Variants in WNT7A observed in about 807,000 individuals in gnomAD.
The protein encoded by WNT7A is Wnt family member 7A, also known as protein Wnt-7a.
A neutral mutation model predicts 28.2 loss-of-function variants in WNT7A; 16 were observed. The ratio of observed to expected loss-of-function variants is 0.57; its 90% CI spans 0.38 to 0.86. The LOEUF is 0.86. Ranked by LOEUF, WNT7A falls within the 40% of genes least tolerant of loss-of-function variation. WNT7A has a pLI of 0.00. For synonymous variants in WNT7A, 190 were observed against 195.9 expected (o/e 0.97, Z 0.25); for missense variants, 411 against 489.7 (o/e 0.84, Z 1.52).
At chr3:13,852,194 G>A (rs908993334) in intron 3 of WNT7A, among the ~76,000 whole-genome samples, 3 of 152,180 alleles carry the variant, frequency 2.0e-5, no homozygotes, top group Non-Finnish European at 4.4e-5. Flanking sequence ...AAGCCACATG[G>A]TGCACCCCCC....
intron 2 of WNT7A, among the ~76,000 whole-genome samples, chr3:13,861,765 A>T (rs1438271975): frequency 6.6e-6 from 1 of 152,108 alleles, no homozygotes; most frequent in Non-Finnish European, 1.5e-5. Context: ...CAGAGAAGAG[A>T]TTCCTAGAGC....
At chr3:13,859,055 A>G (rs923620735) in intron 2 of WNT7A, among the ~76,000 whole-genome samples, 8 of 152,200 alleles carry the variant, frequency 5.3e-5, no homozygotes, top group Non-Finnish European at 7.3e-5. Context: ...AGCGGTGCTG[A>G]GCACAGTGCC....
At position 13,818,991 on chromosome 3, in the gene WNT7A, T is replaced by G; in HGVS notation, c.1003A>C (p.Lys335Gln). Residue 335 changes from lysine to glutamine, a missense_variant, in exon 4 of 4, where the codon AAG becomes CAG. Lys to Gln is a moderately conservative substitution (Grantham distance 53). Coordinates refer to ENST00000285018, the MANE Select transcript of WNT7A (RefSeq NM_004625.4). The stretch of plus-strand genomic sequence containing the variant: ...GTGCGCTCGCTGCACGTGTTGCACT[T>G]GACATAGCAGCACCAGTGGAACTTA... ...NCKFHWCCYV[K>Q]CNTCSERTEM... 1 of 1,607,636 alleles carries G rather than the reference T, an allele frequency of 6.2e-7. No individual in the cohort carries two copies. The highest frequency in any genetic ancestry group is 8.5e-7 in the Non-Finnish European group (1 of 1,175,026).
intron 2 of WNT7A, among the ~76,000 whole-genome samples, chr3:13,858,106 G>C (rs1694775567): frequency 6.6e-6 from 1 of 152,186 alleles, no homozygotes. Flanking sequence ...GGGCAGCAGA[G>C]CTGAGCTGCA....
intron 3 of WNT7A, 67 bp from the exon 4 acceptor site, chr3:13,819,490 G>T: frequency 6.5e-7 from 1 of 1,543,466 alleles, no homozygotes; most frequent in Non-Finnish European, 8.7e-7. Context: ...GCAGCCCCCA[G>T]CTCCCCCCCG....
chr3:13,861,313 A>G (rs1457328610), intron 2 of WNT7A, among the ~76,000 whole-genome samples: 3 of 152,210 alleles, frequency 2.0e-5, no homozygotes, highest in Admixed American at 6.5e-5. Flanking sequence ...GAGCAGAGGA[A>G]GAACCTCCCT....
chr3:13,856,250 G>A (rs1694728741), intron 2 of WNT7A, among the ~76,000 whole-genome samples: 2 of 152,252 alleles, frequency 1.3e-5, no homozygotes, highest in East Asian at 3.9e-4. Context: ...TGACTGACTG[G>A]GACTTGGGCG....
intron 3 of WNT7A, among the ~76,000 whole-genome samples, chr3:13,822,481 C>T (rs549130814): frequency 2.4e-4 from 37 of 152,308 alleles, no homozygotes; most frequent in African/African-American, 7.5e-4. Context: ...GGCCACATAT[C>T]GTGTGATTCC....
At chr3:13,847,492 A>G (rs1694558406) in intron 3 of WNT7A, among the ~76,000 whole-genome samples, 1 of 152,170 alleles carries the variant, frequency 6.6e-6, no homozygotes, top group African/African-American at 2.4e-5. Context: ...CCCACAGAAG[A>G]GAGAATCTCC....
chr3:13,856,893 A>AAAAAGAAGAAGAAGAAGAAGAAAAAG (rs1559303190), intron 2 of WNT7A, among the ~76,000 whole-genome samples: 7 of 73,350 alleles, frequency 9.5e-5, no homozygotes, highest in Non-Finnish European at 7.7e-5. Context: ...AGAAGAAGAA[A>AAAAAGAAGAAGAAGAAGAAGAAAAAG]AAGAAGAAGA....
At chr3:13,860,849 C>T (rs1290866579) in intron 2 of WNT7A, among the ~76,000 whole-genome samples, 1 of 152,162 alleles carries the variant, frequency 6.6e-6, no homozygotes, top group Non-Finnish European at 1.5e-5. Flanking sequence ...GTGGTCTGTT[C>T]TATTGCTGTG....
At chr3:13,857,756 C>T (rs983457085) in intron 2 of WNT7A, among the ~76,000 whole-genome samples, 4 of 152,052 alleles carry the variant, frequency 2.6e-5, no homozygotes, top group Non-Finnish European at 4.4e-5. Flanking sequence ...CCAGAATAGA[C>T]CCTCAAGGAC....
At chr3:13,862,697 A>G (rs1694850432) in intron 2 of WNT7A, among the ~76,000 whole-genome samples, 1 of 152,186 alleles carries the variant, frequency 6.6e-6, no homozygotes, top group Admixed American at 6.5e-5. Context: ...GTAAGGTAAC[A>G]GGCCCACAGC....
At chr3:13,852,563 G>A (rs1036011671) in intron 3 of WNT7A, among the ~76,000 whole-genome samples, 2 of 152,212 alleles carry the variant, frequency 1.3e-5, no homozygotes, top group Admixed American at 1.3e-4. Context: ...AACTGAGGTC[G>A]CAAGAGGGGC....
intron 3 of WNT7A, among the ~76,000 whole-genome samples, chr3:13,853,536 C>T (rs1334377602): frequency 6.6e-6 from 1 of 152,222 alleles, no homozygotes; most frequent in Non-Finnish European, 1.5e-5. Context: ...GCTGCTTCCA[C>T]CTCCTTTCCC....
chr3:13,872,494 T>A (rs937051639), intron 2 of WNT7A, among the ~76,000 whole-genome samples: 12 of 152,168 alleles, frequency 7.9e-5, no homozygotes, highest in African/African-American at 2.2e-4. Context: ...ATTGACCCTG[T>A]ATACCTCCTG....
In WNT7A at chr3:13,854,812, A is replaced by G. The variant is rs1694704374; in HGVS notation, c.299-9T>C. The G allele has an allele frequency of 6.2e-7, 1 of 1,611,096 alleles. No homozygotes were observed. Among genetic ancestry groups the G allele is most frequent in the Non-Finnish European group, 8.5e-7 (1 of 1,180,014 alleles). On this transcript the variant is annotated splice_polypyrimidine_tract_variant and intron_variant, in intron 2 of 3. Coordinates refer to ENST00000285018, the MANE Select transcript of WNT7A (RefSeq NM_004625.4). The stretch of plus-strand genomic sequence containing the variant: ...CGCAGCCTCCCGGCTCCCTGCGAGG[A>G]GGAGAGAAGAGGAGACAAGTTGGGG...
At chr3:13,848,339 C>G (rs1270922838) in intron 3 of WNT7A, among the ~76,000 whole-genome samples, 1 of 152,182 alleles carries the variant, frequency 6.6e-6, no homozygotes, top group African/African-American at 2.4e-5. Context: ...TGACCAAATA[C>G]TGGCTGCTAG....
intron 3 of WNT7A, among the ~76,000 whole-genome samples, chr3:13,849,297 C>G (rs561170439): frequency 4.1e-4 from 63 of 152,326 alleles, no homozygotes; most frequent in African/African-American, 1.4e-3. Flanking sequence ...TCAATATCAG[C>G]TCAATTCAAA....
Sources: gnomAD v4.1 joint callset for allele counts (sites outside exome capture counted in the v4.1 genomes callset) on GRCh38, gnomAD v4.1.1 for gene constraint, MANE v1.5 for transcripts, NCBI Gene and HGNC (gene_info 2026-07-23, HGNC 2026-07-21) for gene names.